Variants in ALKBH8 observed in about 807,000 individuals in gnomAD.
The protein encoded by ALKBH8 is tRNA (carboxymethyluridine(34)-5-O)-methyltransferase ALKBH8.
Under a neutral mutation model 59.8 loss-of-function variants are expected in ALKBH8, and 36 were observed. The ratio of observed to expected loss-of-function variants is 0.60; its 90% CI spans 0.46 to 0.79. The LOEUF is 0.79. Among genes scored for constraint, ALKBH8 ranks in the 30% least tolerant of loss-of-function variants. The pLI, the probability that ALKBH8 is intolerant of heterozygous loss-of-function variation, is 0.00. For missense variants in ALKBH8, 768 were observed against 801.0 expected, an observed-to-expected ratio of 0.96 and a Z score of 0.50; for synonymous variants, 276 against 273.6, an observed-to-expected ratio of 1.01 and a Z score of -0.09.
chr11:107,542,298 GC>G (rs936729274), intron 7 of ALKBH8, among the ~76,000 whole-genome samples: 8 of 151,742 alleles, frequency 5.3e-5, no homozygotes, highest in African/African-American at 1.5e-4. Context: ...AAAGATAAAA[GC>G]AAAAAATCTT....
At chr11:107,513,275 T>C (rs1041100844) in intron 10 of ALKBH8, among the ~76,000 whole-genome samples, 1 of 152,132 alleles carries the variant, frequency 6.6e-6, no homozygotes, top group Non-Finnish European at 1.5e-5. Flanking sequence ...GACATACACG[T>C]GGCCAACAAG....
At position 107,565,729 on chromosome 11, in the gene ALKBH8, G is replaced by GA. The variant is rs1043624569; in HGVS notation, c.-136dup. 2.3e-5 allele frequency: 34 copies of GA among 1,482,484 alleles called. No individual in the cohort carries two copies. The highest frequency in any genetic ancestry group is 1.2e-4 in the Admixed American group (6 of 50,922). 91.8% of individuals were successfully genotyped at this position (1,482,484 alleles called of 1,614,324 possible). ...CTCCCCTGGGCGCGGCCATGTTGGA[G>GA]AAAACTGCACTACATTTCCCATGAG... On this transcript the variant is annotated 5_prime_UTR_variant, in exon 1 of 12. Transcript: ENST00000428149.
intron 7 of ALKBH8, among the ~76,000 whole-genome samples, chr11:107,541,879 G>A (rs1464580985): frequency 6.6e-6 from 1 of 152,050 alleles, no homozygotes; most frequent in Non-Finnish European, 1.5e-5. Flanking sequence ...GAACATTTCA[G>A]CAGGGAACAG....
intron 11 of ALKBH8, among the ~76,000 whole-genome samples, chr11:107,508,526 A>G (rs1862490342): frequency 6.6e-6 from 1 of 152,164 alleles, no homozygotes; most frequent in African/African-American, 2.4e-5. Context: ...TTGCTATTTT[A>G]ACCATTTTTA....
At position 107,547,258 on chromosome 11, in the gene ALKBH8, G is replaced by A. The variant is rs183657916; in HGVS notation, c.771+2495C>T. Among the ~76,000 whole-genome samples the A allele has an allele frequency of 2.2e-4, 34 of 152,328 alleles. No homozygotes were observed. The East Asian group carries it at 6.0e-3, about 27-fold the overall frequency. On this transcript the variant is annotated intron_variant, in intron 7 of 11. Coordinates refer to ENST00000428149, the MANE Select transcript of ALKBH8 (RefSeq NM_138775.3). Reference sequence around the variant, plus strand: ...AAGGTATAGTACTCAGATTCTAGGTGTGGAGTAAGGTGCTAGGAGAAATTC... The same window carrying A: ...AAGGTATAGTACTCAGATTCTAGGTATGGAGTAAGGTGCTAGGAGAAATTC...
At chr11:107,565,369 A>G (rs746854172) in intron 1 of ALKBH8, 21 of 598,748 alleles carry the variant, frequency 3.5e-5, no homozygotes, top group Non-Finnish European at 5.0e-5. Flanking sequence ...TGACACAGGC[A>G]CCACGTGAGC....
chr11:107,549,910 G>T, intron 6 of ALKBH8, 87 bp from the exon 7 acceptor site: 1 of 921,982 alleles, frequency 1.1e-6, no homozygotes, highest in Non-Finnish European at 1.6e-6. Flanking sequence ...ATGCTATTAA[G>T]GTGAAAACAT....
chr11:107,518,667 AC>A (rs1314951191), intron 10 of ALKBH8, among the ~76,000 whole-genome samples: 2 of 152,188 alleles, frequency 1.3e-5, no homozygotes, highest in East Asian at 3.9e-4. Flanking sequence ...TACCAGACCC[AC>A]CCCTTTATTT....
At chr11:107,563,256 G>C (rs541752352) in intron 1 of ALKBH8, among the ~76,000 whole-genome samples, 201 of 152,288 alleles carry the variant, frequency 1.3e-3, no homozygotes, top group African/African-American at 4.6e-3. Flanking sequence ...TTTAGTATCT[G>C]TCCCCTTCCA....
Position 107,555,617 on chromosome 11 carries a change from A to G in ALKBH8, c.367+1149T>C, listed in dbSNP as rs572079734. 9.2e-4 allele frequency among the ~76,000 whole-genome samples: 140 copies of G among 152,342 alleles called. 2 individuals carry two copies. The highest frequency in any genetic ancestry group is 3.4e-3 in the Middle Eastern group (1 of 294). ...AGCACTGAGAAATATAGTTTCTAAA[A>G]TATACCTTTAAAAGAGTCTGTAAAA... On this transcript the variant is annotated intron_variant, in intron 3 of 11. Coordinates refer to ENST00000428149, the MANE Select transcript of ALKBH8 (RefSeq NM_138775.3).
At chr11:107,548,007 T>C (rs1220203355) in intron 7 of ALKBH8, among the ~76,000 whole-genome samples, 3 of 152,224 alleles carry the variant, frequency 2.0e-5, no homozygotes. Context: ...CATATCTCCC[T>C]GGGAAGGAAG....
At chr11:107,518,655 A>C (rs184283947) in intron 10 of ALKBH8, among the ~76,000 whole-genome samples, 2 of 152,388 alleles carry the variant, frequency 1.3e-5, no homozygotes, top group East Asian at 3.9e-4. Flanking sequence ...GCTGCAGGTA[A>C]CTACCAGACC....
intron 10 of ALKBH8, among the ~76,000 whole-genome samples, chr11:107,517,078 G>T (rs543548625): frequency 1.3e-5 from 2 of 151,880 alleles, no homozygotes; most frequent in Non-Finnish European, 2.9e-5. Context: ...AGAACTCAAA[G>T]AACTGTATGG....
chr11:107,530,193 T>A (rs1202423541), intron 8 of ALKBH8, among the ~76,000 whole-genome samples: 2 of 152,226 alleles, frequency 1.3e-5, no homozygotes, highest in Admixed American at 6.5e-5. Flanking sequence ...CTGTTAAGTT[T>A]ACCCCTATGC....
chr11:107,559,120 T>G (rs925001866), intron 2 of ALKBH8, among the ~76,000 whole-genome samples: 1 of 152,228 alleles, frequency 6.6e-6, no homozygotes, highest in African/African-American at 2.4e-5. Context: ...TTGGCTCTCA[T>G]TCTTTCTTGC....
intron 10 of ALKBH8, among the ~76,000 whole-genome samples, chr11:107,515,193 A>G (rs1471232827): frequency 1.3e-5 from 2 of 152,184 alleles, no homozygotes; most frequent in African/African-American, 4.8e-5. Context: ...TAAACCAAGA[A>G]TAGTACAGTG....
chr11:107,557,155 A>G (rs1864753651), intron 2 of ALKBH8, 152 bp from the exon 3 acceptor site: 1 of 549,648 alleles, frequency 1.8e-6, no homozygotes, highest in Non-Finnish European at 2.9e-6. Flanking sequence ...AATTTCATAC[A>G]AAGTATGTAA....
At chr11:107,542,738 C>T (rs1296231389) in intron 7 of ALKBH8, among the ~76,000 whole-genome samples, 2 of 152,024 alleles carry the variant, frequency 1.3e-5, no homozygotes, top group Admixed American at 6.5e-5. Context: ...GGCAAAACCC[C>T]GTTTCTACAA....
chr11:107,512,736 T>C (rs2135477668), intron 10 of ALKBH8, among the ~76,000 whole-genome samples: 1 of 152,292 alleles, frequency 6.6e-6, no homozygotes, highest in South Asian at 2.1e-4. Flanking sequence ...AAAGTGTATA[T>C]TTACTCATTT....
Sources: allele counts gnomAD v4.1 joint callset (sites outside exome capture counted in the v4.1 genomes callset), GRCh38; gene constraint gnomAD v4.1.1; transcripts MANE v1.5; gene names NCBI Gene and HGNC (gene_info 2026-07-23, HGNC 2026-07-21).